COG8: variants seen among roughly 807,000 people sequenced by gnomAD.
COG8 encodes component of oligomeric golgi complex 8, also known as conserved oligomeric Golgi complex subunit 8.
A neutral mutation model predicts 46.5 loss-of-function variants in COG8; 45 were observed. That is an observed-to-expected ratio of 0.97 (90% CI 0.76 to 1.24). The LOEUF (loss-of-function observed/expected upper bound fraction) is 1.24. Among genes scored for constraint, COG8 ranks in the 50% most tolerant of loss-of-function variants. The pLI, the probability that COG8 is intolerant of heterozygous loss-of-function variation, is 0.00. For synonymous variants in COG8, 407 were observed against 347.8 expected, an observed-to-expected ratio of 1.17 and a Z score of -1.90; for missense variants, 793 against 820.8, an observed-to-expected ratio of 0.97 and a Z score of 0.41.
In COG8 at chr16:69,332,529, C is replaced by T. The variant is rs2011942223; in HGVS notation, c.1582+185G>A. On this transcript the variant is annotated intron_variant, in intron 4 of 5. Transcript: ENST00000306875. ...TCTATGGCAACAGAAAGTAGGTTGC[C>T]AGGGACTAAGGATGCTGTCGAGGAA... 1.8e-5 allele frequency: 12 copies of T among 664,264 alleles called. No homozygotes were observed. In the South Asian group the frequency reaches 2.1e-4, roughly 12 times the overall value. 41.1% of individuals were successfully genotyped at this position (664,264 alleles called of 1,614,324 possible). A position where few individuals can be genotyped will look rare whatever the true frequency, so the allele number is the denominator to read the frequency against.
Position 69,339,470 on chromosome 16 carries a change from G to A in COG8, c.83C>T (p.Ala28Val), listed in dbSNP as rs1567433674. 1.2e-6 allele frequency: 2 copies of A among 1,601,744 alleles called. No individual in the cohort carries two copies. Among genetic ancestry groups the A allele is most frequent in the African/African-American group, 1.3e-5 (1 of 74,744 alleles). ...GGGGAAGCGGTCCCGGAACAGCGACGCCAGGAGCCCTTCATCCTCCACCTC... is the reference window on the plus strand; with the variant it reads ...GGGGAAGCGGTCCCGGAACAGCGACACCAGGAGCCCTTCATCCTCCACCTC... Reference protein sequence around the residue: ...LGEVEDEGLLASLFRDRFPEA... With the variant: ...LGEVEDEGLLVSLFRDRFPEA... Residue 28 changes from alanine to valine, a missense_variant, in exon 1 of 6, where the codon GCG becomes GTG. Ala to Val is a moderately conservative substitution (Grantham distance 64, BLOSUM62 0). Coordinates refer to ENST00000306875, the MANE Select transcript of COG8 (RefSeq NM_032382.5).
In COG8 at chr16:69,334,702, A is replaced by ATGT. The variant is rs775097879; in HGVS notation, c.1229_1231dup (p.Asn410dup). 1 of 1,614,208 alleles carries ATGT rather than the reference A, an allele frequency of 6.2e-7. No homozygotes were observed. The highest frequency in any genetic ancestry group is 1.1e-5 in the South Asian group (1 of 91,088). On this transcript the variant is annotated inframe_insertion, in exon 3 of 6. Coordinates refer to ENST00000306875, the MANE Select transcript of COG8 (RefSeq NM_032382.5). ...CTGGGTGGCTGGCACAGCAGCAGGC[A>ATGT]TGTTACTGGTGCCCAGGATGGCTGG... is the stretch of plus-strand genomic sequence containing the variant.
At chr16:69,331,597 G>A (rs533973918) in intron 4 of COG8, among the ~76,000 whole-genome samples, 1 of 151,002 alleles carries the variant, frequency 6.6e-6, no homozygotes, top group African/African-American at 2.4e-5. Flanking sequence ...CTGCCTCCCA[G>A]GTTCAAACAG....
intron 5 of COG8, chr16:69,330,443 G>A (rs1567429335): frequency 2.0e-6 from 3 of 1,474,086 alleles, no homozygotes; most frequent in Non-Finnish European, 8.9e-7. Context: ...GCGCCGCAGC[G>A]CCGGGCCCTC....
chr16:69,339,112 T>A (rs1715583428), intron 1 of COG8, 64 bp downstream of exon 1: 1 of 1,609,698 alleles, frequency 6.2e-7, no homozygotes, highest in African/African-American at 1.3e-5. Context: ...TGTTAGTTAT[T>A]TCTACCATCG....
chr16:69,336,486 C>A lies in COG8; in HGVS notation c.585+19G>T. 2 of 1,612,330 alleles carry A rather than the reference C, an allele frequency of 1.2e-6. No homozygotes were observed. Among genetic ancestry groups the A allele is most frequent in the Non-Finnish European group, 1.7e-6 (2 of 1,178,740 alleles). On this transcript the variant is annotated intron_variant, in intron 2 of 5. Coordinates refer to ENST00000306875, the MANE Select transcript of COG8 (RefSeq NM_032382.5). ...TTACAAGAACATTACTTTGAGTCCT[C>A]TCTGGGCAAGGTGGCTACCTGGATG...
In COG8 at chr16:69,339,338, C is replaced by T. The variant is rs1392466939; in HGVS notation, c.215G>A (p.Arg72Gln). 4 of 1,603,934 alleles carry T rather than the reference C, an allele frequency of 2.5e-6. No individual in the cohort carries two copies. Among genetic ancestry groups the T allele is most frequent in the Non-Finnish European group, 1.7e-6 (2 of 1,177,204 alleles). The change falls in exon 1 of 6, where the codon CGG (arginine) becomes CAG (glutamine). Residue 72 changes from arginine (R) to glutamine (Q), a missense_variant. Coordinates refer to ENST00000306875, the MANE Select transcript of COG8 (RefSeq NM_032382.5). ...RREPERLAEERAQLLQQTRDL... is the reference protein window; with the variant it reads ...RREPERLAEEQAQLLQQTRDL... ...GCGCGTCTGCTGCAGCAGCTGCGCCCGCTCCTCCGCCAGGCGCTCGGGCTC... is the reference window on the plus strand; with the variant it reads ...GCGCGTCTGCTGCAGCAGCTGCGCCTGCTCCTCCGCCAGGCGCTCGGGCTC...
intron 4 of COG8, among the ~76,000 whole-genome samples, chr16:69,332,050 G>C (rs1428332490): frequency 2.0e-5 from 3 of 151,802 alleles, no homozygotes; most frequent in African/African-American, 7.3e-5. Context: ...GGACGTGAAA[G>C]TGAATTGGAA....
At position 69,339,327 on chromosome 16, in the gene COG8, G is replaced by A. The variant is rs1305242110; in HGVS notation, c.226C>T (p.Leu76=). 1 of 1,608,426 alleles carries A rather than the reference G, an allele frequency of 6.2e-7. No homozygotes were observed. The highest frequency in any genetic ancestry group is 8.5e-7 in the Non-Finnish European group (1 of 1,178,582). The part of the protein sequence containing the change: ...ERLAEERAQL[L]QQTRDLAFAN... ...AAGGCCAAGTCGCGCGTCTGCTGCA[G>A]CAGCTGCGCCCGCTCCTCCGCCAGG... The change falls in exon 1 of 6, where the codon CTG becomes TTG. Residue 76 remains leucine (L), a synonymous_variant. Coordinates refer to ENST00000306875, the MANE Select transcript of COG8 (RefSeq NM_032382.5).
At position 69,328,806 on chromosome 16, in the gene COG8, A is replaced by T; in HGVS notation, c.*400T>A. ...GGAAATGTCCACTCCTTTGGGGGTG[A>T]TTTTTCTCCTCAAGTTGTAGCCAAC... On this transcript the variant is annotated 3_prime_UTR_variant, in exon 6 of 6. Coordinates refer to ENST00000306875, the MANE Select transcript of COG8 (RefSeq NM_032382.5). The T allele has an allele frequency of 1.7e-6, 1 of 592,326 alleles. No individual in the cohort carries two copies. Among genetic ancestry groups the T allele is most frequent in the Non-Finnish European group, 2.8e-6 (1 of 353,404 alleles). The allele number at this position is 592,326 out of a possible 1,614,324, so 36.7% of individuals were successfully genotyped here.
chr16:69,336,972 T>C (rs948037979), intron 1 of COG8, among the ~76,000 whole-genome samples: 2 of 152,218 alleles, frequency 1.3e-5, no homozygotes, highest in East Asian at 1.9e-4. Flanking sequence ...GGCAAGGTAC[T>C]TGGCCTCTCT....
At chr16:69,338,938 G>C (rs115989181) in intron 1 of COG8, 2 of 579,090 alleles carry the variant, frequency 3.5e-6, no homozygotes, top group East Asian at 3.2e-5. Flanking sequence ...AGGTTGCAGC[G>C]AGCCGAGATC....
chr16:69,328,781 G>A lies in COG8; in HGVS notation c.*425C>T, dbSNP rs890055883. The A allele has an allele frequency of 3.2e-5, 16 of 507,840 alleles. No homozygotes were observed. In the Admixed American group the frequency reaches 4.7e-4, roughly 15 times the overall value. The allele number at this position is 507,840 out of a possible 1,614,324, so 31.5% of individuals were successfully genotyped here. ...CACCTTCCTCCATACAGAATTGTTA[G>A]GAAATGTCCACTCCTTTGGGGGTGA... On this transcript the variant is annotated 3_prime_UTR_variant, in exon 6 of 6. Transcript: ENST00000306875.
In COG8 at chr16:69,328,763, CT is replaced by C. The variant is rs1965682196; in HGVS notation, c.*442del. ...AGACGAATGCAATTACCCCACCTTC[CT>C]CCATACAGAATTGTTAGGAAATGTC... On this transcript the variant is annotated 3_prime_UTR_variant, in exon 6 of 6. Transcript: ENST00000306875. 2.2e-6 allele frequency: 1 copy of C among 462,624 alleles called. No homozygotes were observed. The highest frequency in any genetic ancestry group is 2.7e-5 in the South Asian group (1 of 36,638). The allele number at this position is 462,624 out of a possible 1,614,324, so 28.7% of individuals were successfully genotyped here.
Position 69,330,987 on chromosome 16 carries a change from G to A in COG8, c.1691C>T (p.Thr564Ile), listed in dbSNP as rs745923414. ...GGGCCCCAGCGCCTGGTCATCCAGG[G>A]TGAAAAGCGTCTCTCTCTTTGGCAG... is the stretch of plus-strand genomic sequence containing the variant. ...FILPKRETLF[T>I]LDDQALGPEL... The change falls in exon 5 of 6, where the codon ACC (threonine) becomes ATC (isoleucine). Residue 564 changes from threonine to isoleucine, a missense_variant. Physicochemically the swap from Thr to Ile is moderately conservative, Grantham distance 89 (BLOSUM62 -1). Coordinates refer to ENST00000306875, the MANE Select transcript of COG8 (RefSeq NM_032382.5). 4.4e-6 allele frequency: 7 copies of A among 1,606,584 alleles called. No individual in the cohort carries two copies. Among genetic ancestry groups the A allele is most frequent in the South Asian group, 2.2e-5 (2 of 89,842 alleles).
chr16:69,336,814 CTGATT>C, intron 1 of COG8, 102 bp from the exon 2 acceptor site: 1 of 1,026,908 alleles, frequency 9.7e-7, no homozygotes. Context: ...GATGATCTAT[CTGATT>C]TATTCCTCAC....
At chr16:69,333,826 G>A (rs1041986142) in intron 3 of COG8, among the ~76,000 whole-genome samples, 1 of 152,154 alleles carries the variant, frequency 6.6e-6, no homozygotes, top group African/African-American at 2.4e-5. Context: ...CTATCTCTCT[G>A]TAAAATAAAA....
chr16:69,336,564 C>T lies in COG8; in HGVS notation c.526G>A (p.Glu176Lys). 1 of 1,614,152 alleles carries T rather than the reference C, an allele frequency of 6.2e-7. No individual in the cohort carries two copies. Among genetic ancestry groups the T allele is most frequent in the Non-Finnish European group, 8.5e-7 (1 of 1,180,030 alleles). ...VRNSYYEEAL[E>K]LAAYVRRLER... Reference sequence around the variant, plus strand: ...AGTCGGCGTACGTAGGCTGCAAGCTCCAGGGCCTCTTCATAATAACTGTTC... The same window carrying T: ...AGTCGGCGTACGTAGGCTGCAAGCTTCAGGGCCTCTTCATAATAACTGTTC... Residue 176 changes from glutamate (E) to lysine (K), a missense_variant, in exon 2 of 6, where the codon GAG (glutamate) becomes AAG (lysine). Transcript: ENST00000306875.
chr16:69,330,157 G>C, intron 5 of COG8: 1 of 1,539,980 alleles, frequency 6.5e-7, no homozygotes, highest in Non-Finnish European at 8.7e-7. Context: ...GCGCGCGCTG[G>C]CGGGGCGGGC....
Sources: allele counts gnomAD v4.1 joint callset (sites outside exome capture counted in the v4.1 genomes callset), GRCh38; gene constraint gnomAD v4.1.1; transcripts MANE v1.5; gene names NCBI Gene and HGNC (gene_info 2026-07-23, HGNC 2026-07-21).